NRG3: variants seen among roughly 807,000 people sequenced by gnomAD.
NRG3 encodes the protein neuregulin 3.
A neutral mutation model predicts 66.9 loss-of-function variants in NRG3; 31 were observed. The observed-to-expected ratio is 0.46, with a 90% CI of 0.35 to 0.63. NRG3 has a LOEUF of 0.63. Ranked by LOEUF, NRG3 falls within the 20% of genes least tolerant of loss-of-function variation. The probability of loss-of-function intolerance (pLI) is 0.00; values close to 1 mark genes in which losing one functional copy is unlikely to be tolerated. For missense variants in NRG3, 910 were observed against 878.9 expected, an observed-to-expected ratio of 1.04 and a Z score of -0.45; for synonymous variants, 393 against 359.4, an observed-to-expected ratio of 1.09 and a Z score of -1.06.
At chr10:82,850,752 ATAAAG>A (rs1237757385) in intron 3 of NRG3, among the ~76,000 whole-genome samples, 1 of 69,474 alleles carries the variant, frequency 1.4e-5, no homozygotes, top group Non-Finnish European at 3.2e-5. Flanking sequence ...GAAGTTTAAA[ATAAAG>A]TAAAATGTAA....
intron 1 of NRG3, among the ~76,000 whole-genome samples, chr10:82,237,897 A>T (rs916704253): frequency 6.6e-6 from 1 of 152,164 alleles, no homozygotes; most frequent in East Asian, 1.9e-4. Flanking sequence ...TTAATTGTCA[A>T]AGAGCTTGGA....
chr10:82,521,445 A>G (rs1437336818), intron 2 of NRG3, among the ~76,000 whole-genome samples: 7 of 151,864 alleles, frequency 4.6e-5, no homozygotes, highest in Non-Finnish European at 1.0e-4. Context: ...GGTTCACGCC[A>G]TTCTCCTGCC....
chr10:82,138,801 C>T (rs1461313289), intron 1 of NRG3, among the ~76,000 whole-genome samples: 1 of 152,124 alleles, frequency 6.6e-6, no homozygotes, highest in Non-Finnish European at 1.5e-5. Flanking sequence ...TGTTCAAGGG[C>T]AGGAAGCATC....
intron 1 of NRG3, among the ~76,000 whole-genome samples, chr10:82,289,218 A>G (rs2079587532): frequency 6.7e-6 from 1 of 149,208 alleles, no homozygotes; most frequent in Non-Finnish European, 1.5e-5. Flanking sequence ...CCTTCACGCC[A>G]TCAGCTCTAG....
intron 3 of NRG3, among the ~76,000 whole-genome samples, chr10:82,760,098 A>G (rs1385669690): frequency 6.6e-6 from 1 of 152,150 alleles, no homozygotes; most frequent in Admixed American, 6.6e-5. Context: ...GCCAGCAATA[A>G]GCATTTGGCT....
intron 2 of NRG3, among the ~76,000 whole-genome samples, chr10:82,491,053 CCT>C (rs1843048416): frequency 6.6e-6 from 1 of 151,470 alleles, no homozygotes; most frequent in South Asian, 2.1e-4. Flanking sequence ...CTTCTGAGCT[CCT>C]CTCTCTTTCT....
intron 2 of NRG3, among the ~76,000 whole-genome samples, chr10:82,719,567 T>C (rs929843989): frequency 6.6e-6 from 1 of 152,198 alleles, no homozygotes; most frequent in Admixed American, 6.5e-5. Context: ...GTGAAGGCTC[T>C]CTATCTTTCT....
chr10:82,758,989 T>C (rs755856891), intron 3 of NRG3, among the ~76,000 whole-genome samples: 4 of 152,098 alleles, frequency 2.6e-5, no homozygotes, highest in African/African-American at 4.8e-5. Context: ...GGATATGGTT[T>C]GTCCCTGCCA....
At chr10:82,772,838 T>A (rs1366114876) in intron 3 of NRG3, among the ~76,000 whole-genome samples, 1 of 151,002 alleles carries the variant, frequency 6.6e-6, no homozygotes, top group Non-Finnish European at 1.5e-5. Context: ...CCCAAGTAGG[T>A]GGGGGAACAA....
chr10:82,312,912 C>G (rs1405216798), intron 1 of NRG3, among the ~76,000 whole-genome samples: 4 of 152,118 alleles, frequency 2.6e-5, no homozygotes, highest in Non-Finnish European at 5.9e-5. Flanking sequence ...AACGGTGGCT[C>G]ATGCCTGTAA....
chr10:82,673,554 A>G (rs543141505), intron 2 of NRG3, among the ~76,000 whole-genome samples: 1 of 152,210 alleles, frequency 6.6e-6, no homozygotes, highest in Non-Finnish European at 1.5e-5. Flanking sequence ...GACAGATCAG[A>G]TGTGGGAATG....
chr10:82,423,947 T>A (rs1447652532), intron 2 of NRG3, among the ~76,000 whole-genome samples: 2 of 152,018 alleles, frequency 1.3e-5, no homozygotes, highest in Non-Finnish European at 2.9e-5. Flanking sequence ...CTTTCAAAGT[T>A]TATCCGTGTT....
chr10:82,788,577 T>C (rs151043755), intron 3 of NRG3, among the ~76,000 whole-genome samples: 5,292 of 151,538 alleles, frequency 0.035, 119 homozygotes, highest in South Asian at 0.059. Context: ...CTCAAAAAAA[T>C]TAAAAAATGA....
At chr10:82,638,343 G>A (rs1000165064) in intron 2 of NRG3, among the ~76,000 whole-genome samples, 15 of 152,164 alleles carry the variant, frequency 9.9e-5, no homozygotes, top group African/African-American at 3.1e-4. Context: ...TTAGGTGGAT[G>A]AAATATTTTG....
At chr10:82,812,718 T>C (rs546553909) in intron 3 of NRG3, among the ~76,000 whole-genome samples, 2 of 152,236 alleles carry the variant, frequency 1.3e-5, no homozygotes, top group East Asian at 1.9e-4. Context: ...CTCAGGACCA[T>C]AGAAATATTG....
At chr10:82,779,897 C>T (rs1029162462) in intron 3 of NRG3, among the ~76,000 whole-genome samples, 10 of 149,012 alleles carry the variant, frequency 6.7e-5, no homozygotes, top group South Asian at 2.2e-4. Context: ...CGACAGGCCC[C>T]GGTGTGATAT....
intron 1 of NRG3, among the ~76,000 whole-genome samples, chr10:81,892,535 T>C (rs1002914984): frequency 2.0e-5 from 3 of 152,062 alleles, no homozygotes; most frequent in Non-Finnish European, 4.4e-5. Flanking sequence ...TAAATATACC[T>C]CAACGAAAGG....
intron 1 of NRG3, among the ~76,000 whole-genome samples, chr10:81,970,304 T>TCA (rs1281550446): frequency 6.6e-6 from 1 of 152,234 alleles, no homozygotes; most frequent in African/African-American, 2.4e-5. Context: ...TGTTATTTGT[T>TCA]ACTGGCTCTG....
intron 1 of NRG3, among the ~76,000 whole-genome samples, chr10:82,128,981 T>C (rs1316887370): frequency 6.6e-6 from 1 of 151,890 alleles, no homozygotes; most frequent in East Asian, 1.9e-4. Flanking sequence ...TGGCGTGATA[T>C]CGGCTCACTG....
Sources: gnomAD v4.1 joint callset for allele counts (sites outside exome capture counted in the v4.1 genomes callset) on GRCh38, gnomAD v4.1.1 for gene constraint, MANE v1.5 for transcripts, NCBI Gene and HGNC (gene_info 2026-07-23, HGNC 2026-07-21) for gene names.